PLA2R1: variants seen among roughly 807,000 people sequenced by gnomAD.
PLA2R1 encodes secretory phospholipase A2 receptor.
PLA2R1 carries 158 observed loss-of-function variants against 195.9 expected under a neutral mutation model. That is an observed-to-expected ratio of 0.81 (90% CI 0.71 to 0.92). The LOEUF is 0.92. PLA2R1 is among the 40% of genes least tolerant of loss of function. PLA2R1 has a pLI of 0.00. For synonymous variants in PLA2R1, 586 were observed against 598.2 expected (o/e 0.98, Z 0.30); for missense variants, 1,626 against 1,764.6 (o/e 0.92, Z 1.41).
At position 160,062,345 on chromosome 2, in the gene PLA2R1, G is replaced by A. The variant is rs1427886475; in HGVS notation, c.59C>T (p.Ala20Val). 8 of 1,535,100 alleles carry A rather than the reference G, an allele frequency of 5.2e-6. No individual in the cohort carries two copies. The African/African-American group carries it at 9.9e-5, about 19-fold the overall frequency. ...LLLLGAPRGC[A>V]EGVAAALTPE... ...GGTAAGCGCCGCCGCCACACCCTCG[G>A]CGCAGCCCCGCGGCGCCCCCAGCAG... The change falls in exon 1 of 30, where the codon GCC (alanine) becomes GTC (valine). Residue 20 changes from alanine to valine, a missense_variant. Ala to Val is a moderately conservative substitution (Grantham distance 64). Coordinates refer to ENST00000283243, the MANE Select transcript of PLA2R1 (RefSeq NM_007366.5).
Position 159,981,338 on chromosome 2 carries a change from C to T in PLA2R1, c.2184-1424G>A, listed in dbSNP as rs542922644. ...CTAACTATGAGATCTGGTATGTTTG[C>T]TATAATTAAGCATCAGATTTGACTG... On this transcript the variant is annotated intron_variant, in intron 13 of 29. Coordinates refer to ENST00000283243, the MANE Select transcript of PLA2R1 (RefSeq NM_007366.5). Among the ~76,000 whole-genome samples, 511 of 151,916 alleles carry T rather than the reference C, an allele frequency of 3.4e-3. 5 individuals carry two copies. The highest frequency in any genetic ancestry group is 0.012 in the African/African-American group (478 of 41,344).
intron 3 of PLA2R1, among the ~76,000 whole-genome samples, chr2:160,034,698 TGAA>T (rs1694066406): frequency 6.6e-6 from 1 of 152,130 alleles, no homozygotes; most frequent in African/African-American, 2.4e-5. Flanking sequence ...TTTGGGAGGC[TGAA>T]GCGGGAGGAT....
rs1181262115 is a variant in PLA2R1 at position 159,932,846 on chromosome 2, T to C, written c.*8932A>G. On this transcript the variant is annotated 3_prime_UTR_variant, in exon 30 of 30. Coordinates refer to ENST00000283243, the MANE Select transcript of PLA2R1 (RefSeq NM_007366.5). Reference sequence around the variant, plus strand: ...CTGTATTATATTAAAAATATATTTATTTGAAAAATATCCAGGAACATATAC... The same window carrying C: ...CTGTATTATATTAAAAATATATTTACTTGAAAAATATCCAGGAACATATAC... 1.3e-5 allele frequency: 2 copies of C among 152,118 alleles called. No homozygotes were observed. Among genetic ancestry groups the C allele is most frequent in the African/African-American group, 4.8e-5 (2 of 41,426 alleles). The allele number at this position is 152,118 out of a possible 1,614,324, so 9.4% of individuals were successfully genotyped here.
chr2:160,046,433 G>T (rs1694880345), intron 1 of PLA2R1, among the ~76,000 whole-genome samples: 1 of 152,212 alleles, frequency 6.6e-6, no homozygotes, highest in African/African-American at 2.4e-5. Context: ...ACAGGCAGAG[G>T]CTTTGGAGAG....
intron 3 of PLA2R1, among the ~76,000 whole-genome samples, chr2:160,033,586 G>C (rs1334221875): frequency 6.6e-6 from 1 of 152,176 alleles, no homozygotes; most frequent in Non-Finnish European, 1.5e-5. Flanking sequence ...AGGAATATGA[G>C]TCAATAGTAA....
At position 159,977,277 on chromosome 2, in the gene PLA2R1, TTTTTACCTC is replaced by T. The variant is rs745471219; in HGVS notation, c.2399_2401+6del. 6.2e-7 allele frequency: 1 copy of T among 1,606,468 alleles called. No individual in the cohort carries two copies. The highest frequency in any genetic ancestry group is 1.3e-5 in the African/African-American group (1 of 74,762). On this transcript the variant is annotated splice_donor_variant and splice_donor_5th_base_variant and coding_sequence_variant and intron_variant, in exon 15 of 30. Coordinates refer to ENST00000283243, the MANE Select transcript of PLA2R1 (RefSeq NM_007366.5). LOFTEE classifies it high-confidence loss of function. ...ACATATAGCAAAGATCTTACTACTA[TTTTTACCTC>T]TTGGGATTTTGCATATCCATTCACG...
rs115349802 is a variant in PLA2R1, at chr2:159,987,236, C to A, written c.1957G>T (p.Ala653Ser). The A allele has an allele frequency of 1.1e-4, 174 of 1,594,184 alleles. No homozygotes were observed. The highest frequency in any genetic ancestry group is 1.5e-4 in the Non-Finnish European group (171 of 1,178,520). Residue 653 changes from alanine to serine, a missense_variant, in exon 12 of 30, where the codon GCA becomes TCA. By Grantham distance (99) the Ala-to-Ser change is moderately conservative (BLOSUM62 1). Coordinates refer to ENST00000283243, the MANE Select transcript of PLA2R1 (RefSeq NM_007366.5). The stretch of plus-strand genomic sequence containing the variant: ...AAGGGCCATCTCTCTTCATACTCTG[C>A]TTTTTCCTGATTTTCAACTGGCTGC... ...CKQPVENQEK[A>S]EYEERWPFHP...
intron 18 of PLA2R1, among the ~76,000 whole-genome samples, chr2:159,969,831 C>T (rs1045077312): frequency 1.3e-5 from 2 of 152,102 alleles, no homozygotes; most frequent in Admixed American, 6.6e-5. Flanking sequence ...GTGTGAACCA[C>T]CGCGCCCAGC....
At position 159,941,934 on chromosome 2, in the gene PLA2R1, G is replaced by A. The variant is rs773190521; in HGVS notation, c.4236C>T (p.Ala1412=). ...AVVLTLIVIV[A]ICTLSFCIYK... is the part of the protein sequence containing the mutation. ...ATATGCAGAAGGAAAGTGTGCAAAT[G>A]GCCACAATGACTATCAGTGTCAGTA... Residue 1412 remains alanine, a synonymous_variant, in exon 30 of 30, where the codon GCC becomes GCT. Coordinates refer to ENST00000283243, the MANE Select transcript of PLA2R1 (RefSeq NM_007366.5). 2.7e-5 allele frequency: 44 copies of A among 1,613,686 alleles called. 1 individual carries two copies. In the South Asian group the frequency reaches 4.8e-4, roughly 18 times the overall value.
Position 160,033,017 on chromosome 2 carries a change from C to G in PLA2R1, c.783G>C (p.Gln261His). ...LSWSEAHSSC[Q>H]MQGGTLLSIT... ...TACTTAACAGCGTACCTCCTTGCAT[C>G]TGGCATGAAGAATGTGCCTCACTCC... The change falls in exon 4 of 30, where the codon CAG (glutamine) becomes CAC (histidine). Residue 261 changes from glutamine (Q) to histidine (H), a missense_variant. Transcript: ENST00000283243. 1 of 1,613,646 alleles carries G rather than the reference C, an allele frequency of 6.2e-7. No homozygotes were observed. The highest frequency in any genetic ancestry group is 1.3e-5 in the African/African-American group (1 of 75,034).
intron 1 of PLA2R1, among the ~76,000 whole-genome samples, chr2:160,047,989 C>G (rs1694980350): frequency 6.6e-6 from 1 of 152,050 alleles, no homozygotes; most frequent in Non-Finnish European, 1.5e-5. Context: ...CCATGCCTGG[C>G]TAATTGTTTG....
At chr2:159,928,466 C>G (rs1400963514), downstream of PLA2R1, among the ~76,000 whole-genome samples, 4 of 152,120 alleles carry the variant, frequency 2.6e-5, no homozygotes, top group Non-Finnish European at 4.4e-5. Context: ...TGAAAGACCT[C>G]TACAAGGAAA....
chr2:159,949,376 C>T (rs896825342), intron 25 of PLA2R1, among the ~76,000 whole-genome samples: 2 of 152,182 alleles, frequency 1.3e-5, no homozygotes, highest in Non-Finnish European at 2.9e-5. Context: ...AGCCTTTCTA[C>T]CTTTCTCCAA....
downstream of PLA2R1, among the ~76,000 whole-genome samples, chr2:159,931,090 G>A (rs1686575223): frequency 6.6e-6 from 1 of 152,162 alleles, no homozygotes; most frequent in African/African-American, 2.4e-5. Flanking sequence ...CCTGTGCTGT[G>A]GGACCAGCCA....
chr2:159,996,319 T>TA (rs920751768), intron 11 of PLA2R1, among the ~76,000 whole-genome samples: 2 of 152,106 alleles, frequency 1.3e-5, no homozygotes, highest in African/African-American at 4.8e-5. Flanking sequence ...TATAGAATCC[T>TA]AGGTTGGAGG....
intron 1 of PLA2R1, among the ~76,000 whole-genome samples, chr2:160,047,409 GGT>G (rs1694937025): frequency 6.6e-6 from 1 of 152,190 alleles, no homozygotes; most frequent in Admixed American, 6.5e-5. Context: ...CTGCAGACCT[GGT>G]TGAACCTACA....
At chr2:159,965,374 T>C (rs1688719414) in intron 20 of PLA2R1, among the ~76,000 whole-genome samples, 1 of 152,212 alleles carries the variant, frequency 6.6e-6, no homozygotes, top group African/African-American at 2.4e-5. Flanking sequence ...TTTTCCAGAA[T>C]GTCATATAGT....
intron 21 of PLA2R1, 72 bp from the exon 22 acceptor site, chr2:159,955,900 T>C: frequency 1.2e-6 from 1 of 827,848 alleles, no homozygotes; most frequent in East Asian, 3.0e-5. Context: ...ATCCTATTTA[T>C]AGCTATGATT....
intron 11 of PLA2R1, among the ~76,000 whole-genome samples, chr2:160,004,300 T>G (rs1691819719): frequency 6.6e-6 from 1 of 152,246 alleles, no homozygotes; most frequent in African/African-American, 2.4e-5. Flanking sequence ...TATGGTCACA[T>G]TATCTATAGT....
Sources: gnomAD v4.1 joint callset for allele counts (sites outside exome capture counted in the v4.1 genomes callset) on GRCh38, gnomAD v4.1.1 for gene constraint, MANE v1.5 for transcripts, NCBI Gene and HGNC (gene_info 2026-07-23, HGNC 2026-07-21) for gene names.